The following ATXN1 variants were observed in gnomAD, a reference collection of about 807,000 sequenced individuals.
ATXN1 encodes ataxin-1.
ATXN1 carries 8 observed loss-of-function variants against 56.4 expected under a neutral mutation model. The observed-to-expected ratio is 0.14, with a 90% CI of 0.08 to 0.26. The LOEUF (loss-of-function observed/expected upper bound fraction) is 0.26. Among genes scored for constraint, ATXN1 ranks in the 10% least tolerant of loss-of-function variants. ATXN1 has a pLI of 1.00. For synonymous variants in ATXN1, 514 were observed against 494.6 expected, an observed-to-expected ratio of 1.04 and a Z score of -0.52; for missense variants, 987 against 1,106.5, an observed-to-expected ratio of 0.89 and a Z score of 1.53.
intron 6 of ATXN1, among the ~76,000 whole-genome samples, chr6:16,412,518 C>T (rs11759487): frequency 0.011 from 1,669 of 152,238 alleles, 12 homozygotes; most frequent in Middle Eastern, 0.017. Context: ...ATTCAAATAT[C>T]CATACAATTC....
intron 3 of ATXN1, among the ~76,000 whole-genome samples, chr6:16,644,652 G>A (rs1187704909): frequency 2.0e-5 from 3 of 151,464 alleles, no homozygotes. Flanking sequence ...TCAGAGTAGG[G>A]TATCTGATGG....
chr6:16,407,424 T>TGA (rs986935446), intron 6 of ATXN1, among the ~76,000 whole-genome samples: 6 of 152,224 alleles, frequency 3.9e-5, no homozygotes, highest in Admixed American at 6.5e-5. Context: ...TTGAAATCAC[T>TGA]GAGAGATGAC....
At position 16,617,835 on chromosome 6, in the gene ATXN1, G is replaced by T. The variant is rs1307628284; in HGVS notation, c.-488-31928C>A. Among the ~76,000 whole-genome samples, 6 of 147,688 alleles carry T rather than the reference G, an allele frequency of 4.1e-5. No homozygotes were observed. The East Asian group carries it at 1.2e-3, about 30-fold the overall frequency. On this transcript the variant is annotated intron_variant, in intron 3 of 7. Coordinates refer to ENST00000436367, the MANE Select transcript of ATXN1 (RefSeq NM_001128164.2). Reference sequence around the variant, plus strand: ...TTAGTTTTTATTAGTACTTAATAAAGATGATGTCTCCTCTCAGTGGGGCAA... The same window carrying T: ...TTAGTTTTTATTAGTACTTAATAAATATGATGTCTCCTCTCAGTGGGGCAA...
intron 3 of ATXN1, among the ~76,000 whole-genome samples, chr6:16,655,679 G>C (rs1758183764): frequency 6.6e-6 from 1 of 151,316 alleles, no homozygotes; most frequent in African/African-American, 2.4e-5. Context: ...CAAAGAGAAA[G>C]AAACCCCGTC....
At chr6:16,371,033 G>A (rs1370402285) in intron 6 of ATXN1, among the ~76,000 whole-genome samples, 4 of 152,172 alleles carry the variant, frequency 2.6e-5, no homozygotes, top group East Asian at 3.9e-4. Context: ...AGCATAGAGT[G>A]TCAGAAATTA....
intron 7 of ATXN1, among the ~76,000 whole-genome samples, chr6:16,322,954 T>C (rs1356387010): frequency 1.3e-5 from 2 of 152,224 alleles, no homozygotes; most frequent in African/African-American, 4.8e-5. Flanking sequence ...CTCAGCACAC[T>C]TGCCTTTCTT....
intron 2 of ATXN1, chr6:16,667,075 C>G (rs978887005): frequency 4.6e-5 from 7 of 151,996 alleles, no homozygotes; most frequent in African/African-American, 1.7e-4. Flanking sequence ...CATGTTAAGC[C>G]CTTGAGTTTC....
Position 16,690,523 on chromosome 6 carries a change from A to G in ATXN1, c.-614-32622T>C, listed in dbSNP as rs142245266. 1.4e-4 allele frequency among the ~76,000 whole-genome samples: 22 copies of G among 152,288 alleles called. No individual in the cohort carries two copies. The East Asian group carries it at 4.2e-3, about 29-fold the overall frequency. ...ATGGGCTTACAGCAGAAGCAGTGTT[A>G]GAAGTCCCAACACATTGATGATATG... is the stretch of plus-strand genomic sequence containing the variant. On this transcript the variant is annotated intron_variant, in intron 2 of 7. Coordinates refer to ENST00000436367, the MANE Select transcript of ATXN1 (RefSeq NM_001128164.2).
At chr6:16,428,896 TG>T (rs1303602128) in intron 6 of ATXN1, among the ~76,000 whole-genome samples, 1 of 152,146 alleles carries the variant, frequency 6.6e-6, no homozygotes. Flanking sequence ...GAAGAGGGGA[TG>T]GGAGCTGGGC....
At position 16,314,625 on chromosome 6, in the gene ATXN1, T is replaced by A. The variant is rs12200127; in HGVS notation, c.1918-7766A>T. Among the ~76,000 whole-genome samples, 1,291 of 152,130 alleles carry A rather than the reference T, an allele frequency of 8.5e-3. 13 individuals are homozygous for A. The highest frequency in any genetic ancestry group is 0.017 in the East Asian group (86 of 5,184). On this transcript the variant is annotated intron_variant, in intron 7 of 7. Transcript: ENST00000436367. ...TCAAAATATTGTTATTATTATTATT[T>A]TTTTTTTTGAGATGGAGTCTTGCTC... is the stretch of plus-strand genomic sequence containing the variant.
chr6:16,540,784 G>A (rs547745338), intron 4 of ATXN1, among the ~76,000 whole-genome samples: 1 of 152,098 alleles, frequency 6.6e-6, no homozygotes, highest in East Asian at 1.9e-4. Flanking sequence ...GCTTGGAATG[G>A]CTGTCTCATG....
intron 5 of ATXN1, among the ~76,000 whole-genome samples, chr6:16,486,897 A>G (rs1760558268): frequency 6.6e-6 from 1 of 151,216 alleles, no homozygotes; most frequent in Admixed American, 6.6e-5. Context: ...CGCCCACCGA[A>G]GACAACACTT....
At chr6:16,455,277 C>T (rs1227371536) in intron 6 of ATXN1, among the ~76,000 whole-genome samples, 2 of 152,198 alleles carry the variant, frequency 1.3e-5, no homozygotes, top group African/African-American at 2.4e-5. Flanking sequence ...TGACCAGACA[C>T]CTTACCAAAT....
At chr6:16,569,437 G>C (rs537193544) in intron 4 of ATXN1, among the ~76,000 whole-genome samples, 10 of 149,244 alleles carry the variant, frequency 6.7e-5, no homozygotes, top group African/African-American at 2.4e-4. Flanking sequence ...TAAGACAGGA[G>C]AATCGCTTGA....
intron 3 of ATXN1, among the ~76,000 whole-genome samples, chr6:16,620,262 A>AACACACACAC (rs60586256): frequency 1.6e-3 from 219 of 137,490 alleles, no homozygotes; most frequent in African/African-American, 5.4e-3. Context: ...CTGTCTCTCA[A>AACACACACAC]ACACACACAC....
At chr6:16,424,485 A>C (rs1053240162) in intron 6 of ATXN1, among the ~76,000 whole-genome samples, 1 of 152,038 alleles carries the variant, frequency 6.6e-6, no homozygotes, top group African/African-American at 2.4e-5. Flanking sequence ...TATCTAGTTG[A>C]TTTACATCCA....
chr6:16,459,329 A>G (rs779242097), intron 6 of ATXN1, among the ~76,000 whole-genome samples: 45 of 152,266 alleles, frequency 3.0e-4, no homozygotes, highest in Non-Finnish European at 5.7e-4. Context: ...AGACCCCACC[A>G]CTTTTCCTTA....
Position 16,326,372 on chromosome 6 carries a change from G to A in ATXN1, c.1917+22C>T, listed in dbSNP as rs552432378. 2 of 1,610,414 alleles carry A rather than the reference G, an allele frequency of 1.2e-6. No homozygotes were observed. The highest frequency in any genetic ancestry group is 1.7e-6 in the Non-Finnish European group (2 of 1,178,538). On this transcript the variant is annotated intron_variant, in intron 7 of 7. Transcript: ENST00000436367. This position sits in a 1 kb window ranked among gnomAD's most constrained non-coding sequence, Gnocchi z 6.6. ...CATCACGGTGTGGTGTCCCATCCCT[G>A]TGCCACCCTGGCTAACGTTACCTGG... is the stretch of plus-strand genomic sequence containing the variant.
intron 2 of ATXN1, among the ~76,000 whole-genome samples, chr6:16,720,906 T>G (rs1759733207): frequency 6.6e-6 from 1 of 152,236 alleles, no homozygotes; most frequent in African/African-American, 2.4e-5. Context: ...GGCCAGATAC[T>G]GTGCTAGCAG....
Sources: gnomAD v4.1 joint callset for allele counts (sites outside exome capture counted in the v4.1 genomes callset) on GRCh38, gnomAD v4.1.1 for gene constraint, Gnocchi (gnomAD v3.1) non-coding constraint, MANE v1.5 for transcripts, NCBI Gene and HGNC (gene_info 2026-07-23, HGNC 2026-07-21) for gene names.